POU6F1: variants seen among roughly 807,000 people sequenced by gnomAD.
POU6F1 encodes POU domain, class 6, transcription factor 1.
A neutral mutation model predicts 28.9 loss-of-function variants in POU6F1; 9 were observed. The ratio of observed to expected loss-of-function variants is 0.31; its 90% confidence interval spans 0.19 to 0.54. The LOEUF (loss-of-function observed/expected upper bound fraction) is 0.54, where lower values mean the gene tolerates loss of function less well. Ranked by LOEUF, POU6F1 falls within the 20% of genes least tolerant of loss-of-function variation. The pLI, the probability that POU6F1 is intolerant of heterozygous loss-of-function variation, is 0.94. For synonymous variants in POU6F1, 173 were observed against 171.1 expected (o/e 1.01, Z -0.09); for missense variants, 338 against 426.1 (o/e 0.79, Z 1.82).
At chr12:51,192,196 C>G (rs190575624) in intron 9 of POU6F1, 134 bp downstream of exon 9, 2 of 1,293,150 alleles carry the variant, frequency 1.5e-6, no homozygotes, top group East Asian at 4.7e-5. Flanking sequence ...AATAAAAAAG[C>G]CAGCCCCTCA....
At chr12:51,203,239 T>C (rs1326798449) in intron 3 of POU6F1, among the ~76,000 whole-genome samples, 1 of 152,098 alleles carries the variant, frequency 6.6e-6, no homozygotes, top group East Asian at 1.9e-4. Context: ...GATATGAAGA[T>C]GGATAAATGG....
At chr12:51,208,874 CT>C (rs1405471399) in intron 1 of POU6F1, among the ~76,000 whole-genome samples, 2 of 152,078 alleles carry the variant, frequency 1.3e-5, no homozygotes, top group African/African-American at 4.8e-5. Flanking sequence ...GAGGTTGAGG[CT>C]GTGGTGAGCA....
rs1192292416 is a variant in POU6F1, at chr12:51,187,190, G to C, written c.*3057C>G. ...TGTGTTCCTTAGTCCATTTGGCTGA[G>C]TTCTTTCCCTGGACTTCACCTGGAT... is the stretch of plus-strand genomic sequence containing the variant. On this transcript the variant is annotated 3_prime_UTR_variant, in exon 11 of 11. Coordinates refer to ENST00000333640, the MANE Select transcript of POU6F1 (RefSeq NM_001330422.2). The C allele has an allele frequency of 6.6e-6, 1 of 152,220 alleles. No individual in the cohort carries two copies. The highest frequency in any genetic ancestry group is 2.4e-5 in the African/African-American group (1 of 41,456). The allele number at this position is 152,220 out of a possible 1,614,324, so 9.4% of individuals were successfully genotyped here.
chr12:51,202,366 C>G (rs1301630762), intron 3 of POU6F1: 3 of 152,098 alleles, frequency 2.0e-5, no homozygotes, highest in African/African-American at 7.2e-5. Flanking sequence ...ACTCTGTTGC[C>G]CAGGCTGGAG....
In POU6F1 at chr12:51,187,408, T is replaced by C. The variant is rs938698164; in HGVS notation, c.*2839A>G. On this transcript the variant is annotated 3_prime_UTR_variant, in exon 11 of 11. Coordinates refer to ENST00000333640, the MANE Select transcript of POU6F1 (RefSeq NM_001330422.2). ...CAGAAGATGTTTTCAAAACAAAATG[T>C]ATACCAACTCCTTCAGAGCCTGATG... The C allele has an allele frequency of 6.6e-6, 1 of 152,232 alleles. No homozygotes were observed. The highest frequency in any genetic ancestry group is 1.5e-5 in the Non-Finnish European group (1 of 68,042). 9.4% of individuals were successfully genotyped at this position (152,232 alleles called of 1,614,324 possible). A position where few individuals can be genotyped will look rare whatever the true frequency, so the allele number is the denominator to read the frequency against.
In POU6F1 at chr12:51,191,625, A is replaced by T. The variant is rs1165607353; in HGVS notation, c.1461T>A (p.Gly487=). 6.2e-7 allele frequency: 1 copy of T among 1,613,442 alleles called. No individual in the cohort carries two copies. Among genetic ancestry groups the T allele is most frequent in the Non-Finnish European group, 8.5e-7 (1 of 1,180,026 alleles). The change falls in exon 10 of 11, where the codon GGT becomes GGA. Residue 487 remains glycine (G), a synonymous_variant. Coordinates refer to ENST00000333640, the MANE Select transcript of POU6F1 (RefSeq NM_001330422.2). ...AGATGGCTGACTGGCTGTAGGCTGG[A>T]CCTTCCGTTGCAGTCAGAGCCTGAC... The part of the protein sequence containing the change: ...QVGQALTATE[G]PAYSQSAICR...
chr12:51,192,958 T>C (rs1413677239), intron 8 of POU6F1, among the ~76,000 whole-genome samples: 1 of 149,500 alleles, frequency 6.7e-6, no homozygotes, highest in Admixed American at 6.6e-5. Context: ...CACCCAACAA[T>C]AGTGACTGAA....
At position 51,197,001 on chromosome 12, in the gene POU6F1, G is replaced by C. The variant is rs1016177353; in HGVS notation, c.847-74C>G. Reference sequence around the variant, plus strand: ...CCCCGGGCAGAGGGAAGAGGACAGAGGGCATTGGGGTGGGTAGATGTGAAT... The same window carrying C: ...CCCCGGGCAGAGGGAAGAGGACAGACGGCATTGGGGTGGGTAGATGTGAAT... On this transcript the variant is annotated intron_variant, in intron 6 of 10. Transcript: ENST00000333640. The C allele has an allele frequency of 2.5e-5, 20 of 809,424 alleles. No homozygotes were observed. In the African/African-American group the frequency reaches 2.7e-4, roughly 11 times the overall value. The allele number at this position is 809,424 out of a possible 1,614,324, so 50.1% of individuals were successfully genotyped here. A position where few individuals can be genotyped will look rare whatever the true frequency, so the allele number is the denominator to read the frequency against.
intron 3 of POU6F1, among the ~76,000 whole-genome samples, chr12:51,203,131 T>C (rs1469253906): frequency 1.3e-5 from 2 of 152,090 alleles, no homozygotes; most frequent in Admixed American, 6.6e-5. Context: ...TGGAAGAAGA[T>C]GCACACTACA....
In POU6F1 at chr12:51,206,786, T is replaced by C. The variant is rs1231075341; in HGVS notation, c.48+3A>G. 3 of 398,570 alleles carry C rather than the reference T, an allele frequency of 7.5e-6. No homozygotes were observed. Among genetic ancestry groups the C allele is most frequent in the Non-Finnish European group, 1.3e-5 (3 of 226,022 alleles). 24.7% of individuals were successfully genotyped at this position (398,570 alleles called of 1,614,324 possible). Reference sequence around the variant, plus strand: ...CCCCCCCACTTCCCACCCCAGAAGATACCTGCTCATTGACAGTCAGAGATG... The same window carrying C: ...CCCCCCCACTTCCCACCCCAGAAGACACCTGCTCATTGACAGTCAGAGATG... On this transcript the variant is annotated splice_donor_region_variant and intron_variant, in intron 2 of 10. Transcript: ENST00000333640.
intron 1 of POU6F1, chr12:51,207,570 G>A (rs1370947144): frequency 6.6e-6 from 1 of 151,930 alleles, no homozygotes; most frequent in Non-Finnish European, 1.5e-5. Context: ...TGGAATAGAT[G>A]GTAAAAACAT....
intron 3 of POU6F1, among the ~76,000 whole-genome samples, chr12:51,200,152 G>A (rs886611844): frequency 3.9e-5 from 6 of 152,192 alleles, no homozygotes; most frequent in African/African-American, 1.2e-4. Flanking sequence ...CCAGGTGAGT[G>A]TTAGCCCTCA....
chr12:51,192,935 C>G (rs1279932749), intron 8 of POU6F1, among the ~76,000 whole-genome samples: 3 of 151,584 alleles, frequency 2.0e-5, no homozygotes, highest in African/African-American at 7.3e-5. Flanking sequence ...CTAAGAAACA[C>G]CTTATTAATA....
chr12:51,198,823 C>T (rs1943017806), intron 4 of POU6F1, 48 bp from the exon 5 acceptor site: 4 of 398,622 alleles, frequency 1.0e-5, no homozygotes. Flanking sequence ...AATAAAAAAT[C>T]AACATTGACA....
chr12:51,212,084 T>TTTTG lies in POU6F1; in HGVS notation c.-47-5205_-47-5202dup, dbSNP rs543517992. Among the ~76,000 whole-genome samples the TTTTG allele has an allele frequency of 3.3e-3, 485 of 146,454 alleles. 4 individuals carry two copies. The highest frequency in any genetic ancestry group is 0.011 in the African/African-American group (405 of 37,430). ...TTCGTTTTTTTTTTTGTTTTTTTTGTTTTGTTTGTTTGTTTGTTTGTTTGT... is the reference window on the plus strand; with the variant it reads ...TTCGTTTTTTTTTTTGTTTTTTTTGTTTTGTTTGTTTGTTTGTTTGTTTGTTTGT... On this transcript the variant is annotated intron_variant, in intron 1 of 10. Transcript: ENST00000333640.
chr12:51,197,007 T>G, intron 6 of POU6F1, 80 bp from the exon 7 acceptor site: 2 of 764,318 alleles, frequency 2.6e-6, no homozygotes, highest in Non-Finnish European at 4.3e-6. Flanking sequence ...CAGAGGGCAT[T>G]GGGGTGGGTA....
chr12:51,193,185 G>A (rs772363793), intron 8 of POU6F1, among the ~76,000 whole-genome samples: 1 of 152,196 alleles, frequency 6.6e-6, no homozygotes, highest in African/African-American at 2.4e-5. Context: ...CATTGAACAG[G>A]GAAACTGGCA....
chr12:51,188,138 G>A lies in POU6F1; in HGVS notation c.*2109C>T, dbSNP rs1208425121. ...AGACGGGGTTTCACCATGTTGGTCA[G>A]GCTGGTCTCGAACTCCAGACCTCAA... On this transcript the variant is annotated 3_prime_UTR_variant, in exon 11 of 11. Coordinates refer to ENST00000333640, the MANE Select transcript of POU6F1 (RefSeq NM_001330422.2). The A allele has an allele frequency of 1.3e-5, 2 of 152,220 alleles. No individual in the cohort carries two copies. The highest frequency in any genetic ancestry group is 2.9e-5 in the Non-Finnish European group (2 of 68,056). 9.4% of individuals were successfully genotyped at this position (152,220 alleles called of 1,614,324 possible). A position where few individuals can be genotyped will look rare whatever the true frequency, so the allele number is the denominator to read the frequency against.
At chr12:51,208,686 C>A (rs1411652520) in intron 1 of POU6F1, among the ~76,000 whole-genome samples, 7 of 152,190 alleles carry the variant, frequency 4.6e-5, no homozygotes, top group Admixed American at 2.0e-4. Context: ...AAGGCTCATG[C>A]CTGTAATCCC....
Sources: allele counts gnomAD v4.1 joint callset (sites outside exome capture counted in the v4.1 genomes callset), GRCh38; gene constraint gnomAD v4.1.1; transcripts MANE v1.5; gene names NCBI Gene and HGNC (gene_info 2026-07-23, HGNC 2026-07-21).